ROCK2: variants seen among roughly 807,000 people sequenced by gnomAD.
ROCK2 encodes the protein Rho associated coiled-coil containing protein kinase 2, also known as rho-associated protein kinase 2.
Under a neutral mutation model 195.1 loss-of-function variants are expected in ROCK2, and 61 were observed. The observed-to-expected ratio is 0.31, with a 90% CI of 0.25 to 0.39. The LOEUF is 0.39. Ranked by LOEUF, ROCK2 falls within the 10% of genes least tolerant of loss-of-function variation. ROCK2 has a pLI of 1.00. For synonymous variants in ROCK2, 504 were observed against 545.5 expected, an observed-to-expected ratio of 0.92 and a Z score of 1.06; for missense variants, 1,109 against 1,637.4, an observed-to-expected ratio of 0.68 and a Z score of 5.57.
chr2:11,253,895 G>A (rs1051694168), intron 3 of ROCK2, among the ~76,000 whole-genome samples: 1 of 152,184 alleles, frequency 6.6e-6, no homozygotes, highest in South Asian at 2.1e-4. Flanking sequence ...GTCTTCCCCA[G>A]AGCAGACAGG....
chr2:11,251,206 T>G (rs959026827), intron 3 of ROCK2, among the ~76,000 whole-genome samples: 2 of 152,212 alleles, frequency 1.3e-5, no homozygotes, highest in African/African-American at 4.8e-5. Context: ...AACTTATTTA[T>G]CACCTATTTC....
Position 11,249,811 on chromosome 2 carries a change from GA to G in ROCK2, c.325-14del. On this transcript the variant is annotated splice_polypyrimidine_tract_variant and intron_variant, in intron 3 of 32. Transcript: ENST00000315872. The stretch of plus-strand genomic sequence containing the variant: ...CCTTGTGACGAACCTGTTGATTTTT[GA>G]AAACACAAAAATTAATACTTTCATG... The G allele has an allele frequency of 6.8e-7, 1 of 1,476,570 alleles. No homozygotes were observed. The highest frequency in any genetic ancestry group is 9.0e-7 in the Non-Finnish European group (1 of 1,115,790). 91.5% of individuals were successfully genotyped at this position (1,476,570 alleles called of 1,614,324 possible).
intron 17 of ROCK2, among the ~76,000 whole-genome samples, chr2:11,212,294 T>C (rs1664278033): frequency 6.6e-6 from 1 of 152,068 alleles, no homozygotes; most frequent in Non-Finnish European, 1.5e-5. Context: ...TTTAGAATAG[T>C]AATCTATATA....
intron 5 of ROCK2, 34 bp from the exon 6 acceptor site, chr2:11,227,432 T>C (rs1448047587): frequency 6.3e-7 from 1 of 1,587,402 alleles, no homozygotes; most frequent in Non-Finnish European, 8.6e-7. Flanking sequence ...AAAAAACAGT[T>C]CAGTGTAAAA....
chr2:11,286,197 G>A (rs183812342), intron 3 of ROCK2, among the ~76,000 whole-genome samples: 77 of 42,788 alleles, frequency 1.8e-3, no homozygotes, highest in Middle Eastern at 0.016. Flanking sequence ...AAATTTATCT[G>A]TTAGGTTTCT....
chr2:11,184,767 A>C, intron 32 of ROCK2: 5 of 983,992 alleles, frequency 5.1e-6, no homozygotes, highest in Non-Finnish European at 6.0e-6. Flanking sequence ...CAAATCAAGC[A>C]ATCTGCAATA....
rs1382745447 is a variant in ROCK2 at position 11,193,954 on chromosome 2, CT to C, written c.3609-98del. ...TACATCAGACGTTAAACACTGACTACTTTGACCCATGTTAGGAACTCAGAAT... is the reference window on the plus strand; with the variant it reads ...TACATCAGACGTTAAACACTGACTACTTGACCCATGTTAGGAACTCAGAAT... On this transcript the variant is annotated intron_variant, in intron 29 of 32. Transcript: ENST00000315872. 6 of 577,954 alleles carry C rather than the reference CT, an allele frequency of 1.0e-5. No homozygotes were observed. In the African/African-American group the frequency reaches 1.2e-4, roughly 11 times the overall value. 35.8% of individuals were successfully genotyped at this position (577,954 alleles called of 1,614,324 possible).
chr2:11,263,776 T>A, intron 3 of ROCK2, among the ~76,000 whole-genome samples: 1 of 150,250 alleles, frequency 6.7e-6, no homozygotes. Context: ...TGGCAACACC[T>A]TAAAAGGCAG....
chr2:11,185,768 TAATA>T (rs1663173025), intron 32 of ROCK2, among the ~76,000 whole-genome samples: 1 of 123,358 alleles, frequency 8.1e-6, no homozygotes, highest in South Asian at 2.8e-4. Flanking sequence ...AATAAATAAA[TAATA>T]AAAAAAAGCA....
intron 3 of ROCK2, 111 bp downstream of exon 3, chr2:11,286,428 C>A (rs1455841533): frequency 4.6e-5 from 32 of 691,864 alleles, no homozygotes; most frequent in Non-Finnish European, 7.8e-5. Flanking sequence ...GATCACAAAG[C>A]CACCTTCTGG....
chr2:11,250,802 T>C (rs1170530575), intron 3 of ROCK2, among the ~76,000 whole-genome samples: 8 of 152,218 alleles, frequency 5.3e-5, no homozygotes, highest in Admixed American at 5.2e-4. Context: ...TGGTTCAACA[T>C]ATTTTATTTC....
At chr2:11,274,811 CCT>C (rs1666766731) in intron 3 of ROCK2, among the ~76,000 whole-genome samples, 1 of 152,174 alleles carries the variant, frequency 6.6e-6, no homozygotes, top group Admixed American at 6.5e-5. Flanking sequence ...ACGGTAGTCC[CCT>C]CTTATCCTCA....
intron 1 of ROCK2, among the ~76,000 whole-genome samples, chr2:11,303,036 G>A (rs1026328744): frequency 1.3e-5 from 2 of 151,878 alleles, no homozygotes; most frequent in Non-Finnish European, 2.9e-5. Flanking sequence ...TTTGCTGAGG[G>A]GTAGCCATGT....
intron 1 of ROCK2, among the ~76,000 whole-genome samples, chr2:11,318,907 T>G (rs1264139358): frequency 6.6e-6 from 1 of 152,312 alleles, no homozygotes; most frequent in East Asian, 1.9e-4. Flanking sequence ...AAAGATCAGA[T>G]AGTTGTAGAT....
intron 4 of ROCK2, 53 bp from the exon 5 acceptor site, chr2:11,236,015 TA>T (rs1665190914): frequency 7.1e-7 from 1 of 1,412,376 alleles, no homozygotes; most frequent in African/African-American, 1.4e-5. Flanking sequence ...CCAAAAATCA[TA>T]ATCAGAACAA....
chr2:11,254,435 G>A (rs1003480321), intron 3 of ROCK2, among the ~76,000 whole-genome samples: 1 of 152,142 alleles, frequency 6.6e-6, no homozygotes, highest in Non-Finnish European at 1.5e-5. Flanking sequence ...GGAAAGCAAG[G>A]AGAGGGAGAT....
Position 11,344,453 on chromosome 2 carries a change from G to A in ROCK2, c.-317C>T. 2 of 1,023,002 alleles carry A rather than the reference G, an allele frequency of 2.0e-6. No homozygotes were observed. The highest frequency in any genetic ancestry group is 5.8e-5 in the Admixed American group (1 of 17,198). The allele number at this position is 1,023,002 out of a possible 1,614,324, so 63.4% of individuals were successfully genotyped here. A position where few individuals can be genotyped will look rare whatever the true frequency, so the allele number is the denominator to read the frequency against. The stretch of plus-strand genomic sequence containing the variant: ...AGTGCCCGCAGGAGTCCTCGGGCGG[G>A]AGCAGGGAAGTGGCGCCGCCACCGC... On this transcript the variant is annotated 5_prime_UTR_variant, in exon 1 of 33. Coordinates refer to ENST00000315872, the MANE Select transcript of ROCK2 (RefSeq NM_004850.5). This position sits in a 1 kb window ranked among gnomAD's most constrained non-coding sequence, Gnocchi z 5.4.
At chr2:11,208,999 A>G (rs1664158511) in intron 18 of ROCK2, among the ~76,000 whole-genome samples, 1 of 152,226 alleles carries the variant, frequency 6.6e-6, no homozygotes, top group Admixed American at 6.5e-5. Flanking sequence ...ATTCTAATGG[A>G]AGCAAGATAG....
intron 1 of ROCK2, among the ~76,000 whole-genome samples, chr2:11,306,106 G>C (rs996921588): frequency 6.6e-5 from 10 of 152,206 alleles, no homozygotes; most frequent in African/African-American, 2.2e-4. Context: ...ATGATCCTGG[G>C]TCAGATTCTT....
Sources: allele counts gnomAD v4.1 joint callset (sites outside exome capture counted in the v4.1 genomes callset), GRCh38; gene constraint gnomAD v4.1.1; non-coding constraint Gnocchi (gnomAD v3.1); transcripts MANE v1.5; gene names NCBI Gene and HGNC (gene_info 2026-07-23, HGNC 2026-07-21).